The following PALS2 variants were observed in gnomAD, a reference collection of about 807,000 sequenced individuals.
PALS2 encodes protein associated with LIN7 2, MAGUK p55 family member.
PALS2 carries 27 observed loss-of-function variants against 61.6 expected under a neutral mutation model. The ratio of observed to expected loss-of-function variants is 0.44; its 90% confidence interval spans 0.32 to 0.60. The LOEUF is 0.60. Among genes scored for constraint, PALS2 ranks in the 20% least tolerant of loss-of-function variants. The probability of loss-of-function intolerance (pLI) is 0.05; values close to 1 mark genes in which losing one functional copy is unlikely to be tolerated. For synonymous variants in PALS2, 236 were observed against 218.6 expected (o/e 1.08, Z -0.70); for missense variants, 554 against 639.4 (o/e 0.87, Z 1.44).
intron 5 of PALS2, among the ~76,000 whole-genome samples, chr7:24,660,025 G>T (rs1192929529): frequency 2.0e-5 from 3 of 152,086 alleles, no homozygotes; most frequent in Admixed American, 2.0e-4. Context: ...CAGTTAGCTG[G>T]GGCAATTGTG....
rs1398696352 is a variant in PALS2, at chr7:24,676,779, C to T, written c.1115-2352C>T. On this transcript the variant is annotated intron_variant, in intron 9 of 11. Transcript: ENST00000222644. ...TCCCATGCTGTTTTGGTTACTGTAGCCTTGTAGTATAGTTTGAAGTCAGGT... is the reference window on the plus strand; with the variant it reads ...TCCCATGCTGTTTTGGTTACTGTAGTCTTGTAGTATAGTTTGAAGTCAGGT... Among the ~76,000 whole-genome samples, 17 of 151,074 alleles carry T rather than the reference C, an allele frequency of 1.1e-4. 1 individual carries two copies. The highest frequency in any genetic ancestry group is 4.0e-4 in the African/African-American group (16 of 40,390).
At chr7:24,591,383 G>T (rs1562601851) in intron 1 of PALS2, among the ~76,000 whole-genome samples, 2 of 152,116 alleles carry the variant, frequency 1.3e-5, no homozygotes, top group Non-Finnish European at 2.9e-5. Context: ...GCAGTGTGTA[G>T]CTTGACATAC....
Position 24,578,141 on chromosome 7 carries a change from C to G in PALS2, c.-3+4548C>G, listed in dbSNP as rs78794801. Among the ~76,000 whole-genome samples the G allele has an allele frequency of 3.7e-3, 568 of 152,164 alleles. 4 individuals carry two copies. Among genetic ancestry groups the G allele is most frequent in the African/African-American group, 0.013 (539 of 41,502 alleles). ...AAAAAAAATTCTGTAGAAATGGAGT[C>G]TTGCTGTGTGTGTTGCCCAGGCTGC... is the stretch of plus-strand genomic sequence containing the variant. On this transcript the variant is annotated intron_variant, in intron 1 of 11. Transcript: ENST00000222644.
intron 3 of PALS2, 116 bp from the exon 4 acceptor site, chr7:24,649,496 C>A: frequency 1.3e-6 from 1 of 783,866 alleles, no homozygotes; most frequent in Non-Finnish European, 1.8e-6. Context: ...AATTTAATAC[C>A]ATGTGCCTTG....
At chr7:24,602,690 G>C (rs1426116142) in intron 1 of PALS2, among the ~76,000 whole-genome samples, 1 of 152,078 alleles carries the variant, frequency 6.6e-6, no homozygotes, top group Non-Finnish European at 1.5e-5. Context: ...ACTCTCTCCA[G>C]AAAATAAGCC....
intron 4 of PALS2, 57 bp from the exon 5 acceptor site, chr7:24,650,428 A>G: frequency 7.5e-7 from 1 of 1,335,490 alleles, no homozygotes; most frequent in Non-Finnish European, 1.0e-6. Flanking sequence ...ATGCTCATGA[A>G]TATTTAAGCA....
At chr7:24,584,944 C>G (rs1435500875) in intron 1 of PALS2, among the ~76,000 whole-genome samples, 3 of 151,606 alleles carry the variant, frequency 2.0e-5, no homozygotes, top group African/African-American at 4.9e-5. Context: ...GCTTGTTTTT[C>G]TCAGGTTTGT....
intron 1 of PALS2, among the ~76,000 whole-genome samples, chr7:24,605,566 T>C (rs1289210353): frequency 6.6e-6 from 1 of 152,114 alleles, no homozygotes; most frequent in East Asian, 1.9e-4. Flanking sequence ...CAGATACAAA[T>C]ATGTAAATAT....
intron 1 of PALS2, among the ~76,000 whole-genome samples, chr7:24,583,891 T>C (rs1208066182): frequency 1.3e-5 from 2 of 151,654 alleles, no homozygotes; most frequent in East Asian, 3.9e-4. Context: ...AGTTCCCACC[T>C]ATGAGTGAGA....
intron 8 of PALS2, among the ~76,000 whole-genome samples, chr7:24,667,460 T>C (rs78702573): frequency 0.069 from 10,510 of 152,180 alleles, 451 homozygotes; most frequent in African/African-American, 0.11. Context: ...TCACTTGTTC[T>C]GTGGAACTTA....
intron 5 of PALS2, among the ~76,000 whole-genome samples, chr7:24,658,928 G>C (rs1198680977): frequency 6.6e-6 from 1 of 152,106 alleles, no homozygotes; most frequent in African/African-American, 2.4e-5. Context: ...CTGGAGTGTA[G>C]TGCACAAATG....
At chr7:24,668,076 T>C (rs528368009) in intron 8 of PALS2, among the ~76,000 whole-genome samples, 1 of 151,956 alleles carries the variant, frequency 6.6e-6, no homozygotes, top group East Asian at 1.9e-4. Flanking sequence ...CCCAGCACTT[T>C]GGGAGACTGA....
chr7:24,630,244 G>A (rs928214952), intron 2 of PALS2, among the ~76,000 whole-genome samples: 2 of 152,006 alleles, frequency 1.3e-5, no homozygotes, highest in Admixed American at 6.6e-5. Context: ...ACCAAACACC[G>A]CATGTTTTCT....
intron 3 of PALS2, among the ~76,000 whole-genome samples, chr7:24,642,074 C>T (rs1011876793): frequency 6.6e-6 from 1 of 152,088 alleles, no homozygotes; most frequent in Admixed American, 6.5e-5. Flanking sequence ...CATAAATGTA[C>T]ACTGTTACAG....
intron 5 of PALS2, among the ~76,000 whole-genome samples, chr7:24,655,173 A>T (rs1331664149): frequency 6.6e-6 from 1 of 152,198 alleles, no homozygotes; most frequent in Non-Finnish European, 1.5e-5. Context: ...AGAAAAGTTT[A>T]ATGTCTCTTA....
rs555158622 is a variant in PALS2 at position 24,618,976 on chromosome 7, G to A, written c.-2-4690G>A. ...TTCGTGTCTTGTCTTTTTTTGATTA[G>A]ACTAGCCAAGTATTTGTCTATTTAA... On this transcript the variant is annotated intron_variant, in intron 1 of 11. Coordinates refer to ENST00000222644, the MANE Select transcript of PALS2 (RefSeq NM_001303037.2). This position sits in a 1 kb window ranked among gnomAD's most constrained non-coding sequence, Gnocchi z 5.1. Among the ~76,000 whole-genome samples, 9 of 152,284 alleles carry A rather than the reference G, an allele frequency of 5.9e-5. No homozygotes were observed. In the South Asian group the frequency reaches 1.9e-3, roughly 32 times the overall value.
chr7:24,623,242 T>A (rs908651353), intron 1 of PALS2, among the ~76,000 whole-genome samples: 21 of 151,662 alleles, frequency 1.4e-4, no homozygotes, highest in Admixed American at 8.5e-4. Context: ...GTATTGGTTT[T>A]AATTCTTTTT....
rs116616963 is a variant in PALS2 at position 24,576,605 on chromosome 7, T to A, written c.-3+3012T>A. Among the ~76,000 whole-genome samples, 792 of 152,328 alleles carry A rather than the reference T, an allele frequency of 5.2e-3. 7 individuals are homozygous for A. Among genetic ancestry groups the A allele is most frequent in the African/African-American group, 0.017 (725 of 41,570 alleles). Reference sequence around the variant, plus strand: ...GCCTCTAACATAATGAAAGATAAGATTCCTGAATACATTATAGCTTTCAAA... The same window carrying A: ...GCCTCTAACATAATGAAAGATAAGAATCCTGAATACATTATAGCTTTCAAA... On this transcript the variant is annotated intron_variant, in intron 1 of 11. Transcript: ENST00000222644.
At chr7:24,663,102 T>G (rs951228599) in intron 5 of PALS2, among the ~76,000 whole-genome samples, 16 of 152,206 alleles carry the variant, frequency 1.1e-4, no homozygotes, top group African/African-American at 3.6e-4. Flanking sequence ...AAAAAGTATT[T>G]AAGGCTACCA....
Sources: gnomAD v4.1 joint callset for allele counts (sites outside exome capture counted in the v4.1 genomes callset) on GRCh38, gnomAD v4.1.1 for gene constraint, Gnocchi (gnomAD v3.1) non-coding constraint, MANE v1.5 for transcripts, NCBI Gene and HGNC (gene_info 2026-07-23, HGNC 2026-07-21) for gene names.